The following PRDM5 variants were observed in gnomAD, a reference collection of about 807,000 sequenced individuals.
PRDM5 encodes the protein PR/SET domain 5, also known as PR domain zinc finger protein 5.
A neutral mutation model predicts 81.2 loss-of-function variants in PRDM5; 56 were observed. The observed-to-expected ratio is 0.69, with a 90% CI of 0.56 to 0.86. PRDM5 has a LOEUF of 0.86. Among genes scored for constraint, PRDM5 ranks in the 40% least tolerant of loss-of-function variants. PRDM5 has a pLI of 0.00. For missense variants in PRDM5, 697 were observed against 770.1 expected, an observed-to-expected ratio of 0.91 and a Z score of 1.12; for synonymous variants, 267 against 256.4, an observed-to-expected ratio of 1.04 and a Z score of -0.39.
rs1738936685 is a variant in PRDM5, at chr4:120,723,558, A to G, written c.1624-13145T>C. ...GTTATGCTCACCATCTTAAAAAATTATGATGCAAACTTCGAAAAATCAATG... is the reference window on the plus strand; with the variant it reads ...GTTATGCTCACCATCTTAAAAAATTGTGATGCAAACTTCGAAAAATCAATG... On this transcript the variant is annotated intron_variant, in intron 14 of 15. Transcript: ENST00000264808. Among the ~76,000 whole-genome samples the G allele has an allele frequency of 3.3e-5, 5 of 152,324 alleles. No homozygotes were observed. The South Asian group carries it at 8.3e-4, about 25-fold the overall frequency.
chr4:120,876,995 A>C (rs1223191905), intron 2 of PRDM5, among the ~76,000 whole-genome samples: 2 of 152,188 alleles, frequency 1.3e-5, no homozygotes, highest in Admixed American at 1.3e-4. Flanking sequence ...GTCTTATCAA[A>C]ACCTATCCAG....
At chr4:120,917,602 G>T (rs2148713878) in intron 1 of PRDM5, among the ~76,000 whole-genome samples, 1 of 150,982 alleles carries the variant, frequency 6.6e-6, no homozygotes, top group African/African-American at 2.4e-5. Context: ...GATAAAGATT[G>T]TTAAATGAAT....
At chr4:120,699,815 C>G (rs2148996221) in intron 15 of PRDM5, among the ~76,000 whole-genome samples, 1 of 152,134 alleles carries the variant, frequency 6.6e-6, no homozygotes, top group Admixed American at 6.6e-5. Flanking sequence ...TTGGAAGAAT[C>G]AATATCATTA....
rs193056864 is a variant in PRDM5, at chr4:120,692,963, C to A, written c.*2148G>T. On this transcript the variant is annotated 3_prime_UTR_variant, in exon 16 of 16. Coordinates refer to ENST00000264808, the MANE Select transcript of PRDM5 (RefSeq NM_018699.4). ...TTGTCTTTTGGATAAAAATTTACAG[C>A]ATACAAATAGTCTACTAAGGACTTG... is the stretch of plus-strand genomic sequence containing the variant. 190 of 152,152 alleles carry A rather than the reference C, an allele frequency of 1.2e-3. 2 individuals carry two copies. Among genetic ancestry groups the A allele is most frequent in the African/African-American group, 4.1e-3 (172 of 41,526 alleles). The allele number at this position is 152,152 out of a possible 1,614,324, so 9.4% of individuals were successfully genotyped here.
chr4:120,880,276 A>C (rs1762718942), intron 2 of PRDM5, among the ~76,000 whole-genome samples: 1 of 152,160 alleles, frequency 6.6e-6, no homozygotes, highest in Admixed American at 6.5e-5. Flanking sequence ...ATAAACTAAA[A>C]TATTAAAGTT....
At chr4:120,767,820 C>G (rs1746599716) in intron 13 of PRDM5, among the ~76,000 whole-genome samples, 2 of 152,132 alleles carry the variant, frequency 1.3e-5, no homozygotes, top group African/African-American at 4.8e-5. Context: ...AATTGAATCA[C>G]AGGGTGATCT....
chr4:120,905,986 G>T (rs1407694926), intron 2 of PRDM5, among the ~76,000 whole-genome samples: 1 of 151,878 alleles, frequency 6.6e-6, no homozygotes, highest in Non-Finnish European at 1.5e-5. Context: ...AATTTCATTT[G>T]CTAGAGAAGG....
chr4:120,745,280 T>C (rs1298246593), intron 14 of PRDM5, among the ~76,000 whole-genome samples: 11 of 125,802 alleles, frequency 8.7e-5, no homozygotes, highest in Non-Finnish European at 1.7e-4. Flanking sequence ...TGGGACATAT[T>C]TCAAAATAAT....
At chr4:120,716,345 C>T (rs927439238) in intron 14 of PRDM5, among the ~76,000 whole-genome samples, 7 of 152,082 alleles carry the variant, frequency 4.6e-5, no homozygotes, top group African/African-American at 1.2e-4. Context: ...AAAGGTTCTT[C>T]CAATTAAAGA....
rs908831002 is a variant in PRDM5, at chr4:120,784,986, A to C, written c.1282+12T>G. ...ATTCCTTATATTCTCAACTGCCTGA[A>C]TCGTGACTTACTGTTATGTATTAGC... On this transcript the variant is annotated intron_variant, in intron 11 of 15. Transcript: ENST00000264808. The C allele has an allele frequency of 6.4e-7, 1 of 1,568,560 alleles. No individual in the cohort carries two copies. The highest frequency in any genetic ancestry group is 2.2e-5 in the East Asian group (1 of 44,620).
chr4:120,746,676 T>C (rs1252678996), intron 14 of PRDM5, among the ~76,000 whole-genome samples: 2 of 147,060 alleles, frequency 1.4e-5, no homozygotes, highest in Admixed American at 6.9e-5. Context: ...AAAAAACACA[T>C]GAAAAAATGC....
At chr4:120,744,290 G>A (rs1742619397) in intron 14 of PRDM5, among the ~76,000 whole-genome samples, 1 of 152,268 alleles carries the variant, frequency 6.6e-6, no homozygotes, top group Admixed American at 6.5e-5. Context: ...AGTGTGTAGA[G>A]AGAAATTTAT....
chr4:120,747,084 C>G (rs1743212474), intron 14 of PRDM5, among the ~76,000 whole-genome samples: 1 of 148,042 alleles, frequency 6.8e-6, no homozygotes, highest in Non-Finnish European at 1.5e-5. Context: ...CACATATACA[C>G]CATAGAATAC....
intron 2 of PRDM5, among the ~76,000 whole-genome samples, chr4:120,902,088 A>G (rs1196478121): frequency 6.6e-6 from 1 of 152,218 alleles, no homozygotes; most frequent in African/African-American, 2.4e-5. Flanking sequence ...AACCTGTTGC[A>G]AGCATCCCAG....
Position 120,850,875 on chromosome 4 carries a change from TA to T in PRDM5, c.300+2542del, listed in dbSNP as rs1759186245. Among the ~76,000 whole-genome samples the T allele has an allele frequency of 3.3e-5, 5 of 152,172 alleles. No homozygotes were observed. The South Asian group carries it at 1.0e-3, about 31-fold the overall frequency. On this transcript the variant is annotated intron_variant, in intron 3 of 15. Coordinates refer to ENST00000264808, the MANE Select transcript of PRDM5 (RefSeq NM_018699.4). Reference sequence around the variant, plus strand: ...AAATGAACATGAAAACTGTAAGTCTTAGACAATGTGATTACTGAAAATGAGC... The same window carrying T: ...AAATGAACATGAAAACTGTAAGTCTTGACAATGTGATTACTGAAAATGAGC...
At chr4:120,688,981 G>A (rs1179073155), downstream of PRDM5, among the ~76,000 whole-genome samples, 4 of 152,140 alleles carry the variant, frequency 2.6e-5, no homozygotes, top group Non-Finnish European at 5.9e-5. Context: ...TGTATTCCTC[G>A]TTTCATTCTA....
chr4:120,741,586 G>A (rs532712397), intron 14 of PRDM5, among the ~76,000 whole-genome samples: 48 of 152,092 alleles, frequency 3.2e-4, no homozygotes, highest in African/African-American at 1.0e-3. Flanking sequence ...TGCACGAGCC[G>A]AAGCAGGGCC....
intron 1 of PRDM5, among the ~76,000 whole-genome samples, chr4:120,911,169 C>A (rs950758438): frequency 3.3e-5 from 5 of 152,146 alleles, no homozygotes; most frequent in African/African-American, 1.2e-4. Context: ...AAAGAGCATG[C>A]CACCTAAAAA....
At chr4:120,741,576 TGCACGAGCCGAA>T (rs1741971810) in intron 14 of PRDM5, among the ~76,000 whole-genome samples, 1 of 151,840 alleles carries the variant, frequency 6.6e-6, no homozygotes, top group Non-Finnish European at 1.5e-5. Flanking sequence ...GCGCGCACTG[TGCACGAGCCGAA>T]GCAGGGCCAG....
Sources: gnomAD v4.1 joint callset for allele counts (sites outside exome capture counted in the v4.1 genomes callset) on GRCh38, gnomAD v4.1.1 for gene constraint, MANE v1.5 for transcripts, NCBI Gene and HGNC (gene_info 2026-07-23, HGNC 2026-07-21) for gene names.